Variants in HYCC1 observed in about 807,000 individuals in gnomAD.
HYCC1 encodes hyccin.
the HYCC1 span, among the ~76,000 whole-genome samples, chr7:22,984,952 C>T: frequency 6.6e-6 from 1 of 152,104 alleles, no homozygotes; most frequent in Non-Finnish European, 1.5e-5. Flanking sequence ...GATAAAACTC[C>T]AGTAGTAAGT....
chr7:22,965,063 G>T, the HYCC1 span, among the ~76,000 whole-genome samples: 1 of 151,418 alleles, frequency 6.6e-6, no homozygotes, highest in Non-Finnish European at 1.5e-5. Flanking sequence ...GAACCTGGGA[G>T]GTGGAGGTTG....
the HYCC1 span, among the ~76,000 whole-genome samples, chr7:22,900,895 T>TAAG: frequency 2.0e-5 from 3 of 151,970 alleles, no homozygotes. Context: ...CTTCTCTAAG[T>TAAG]AAGAAGACAC....
At chr7:22,932,775 G>A in the HYCC1 span, among the ~76,000 whole-genome samples, 6 of 152,166 alleles carry the variant, frequency 3.9e-5, no homozygotes, top group African/African-American at 9.7e-5. Flanking sequence ...TCACAGGGAC[G>A]ACTGTATGGG....
the HYCC1 span, among the ~76,000 whole-genome samples, chr7:22,931,285 CCACTACGAGTGGTGA>C: frequency 1.2e-4 from 18 of 150,394 alleles, no homozygotes; most frequent in Non-Finnish European, 2.1e-4. Flanking sequence ...CAGCCTGTCA[CCACTACGAGTGGTGA>C]CACTTCTACA....
At chr7:22,910,665 G>A in the HYCC1 span, among the ~76,000 whole-genome samples, 1 of 152,138 alleles carries the variant, frequency 6.6e-6, no homozygotes, top group African/African-American at 2.4e-5. Flanking sequence ...GCTAAAATAT[G>A]ATGTGTAAAA....
chr7:22,991,695 T>C, the HYCC1 span, among the ~76,000 whole-genome samples: 2 of 152,088 alleles, frequency 1.3e-5, no homozygotes, highest in South Asian at 4.1e-4. Context: ...GGGATTTACT[T>C]AAGTATAAAT....
At chr7:22,946,748 A>G in the HYCC1 span, among the ~76,000 whole-genome samples, 392 of 152,240 alleles carry the variant, frequency 2.6e-3, 3 homozygotes, top group African/African-American at 8.9e-3. Flanking sequence ...CATAAGCAGA[A>G]AATTATTTTA....
At chr7:22,909,958 A>G in the HYCC1 span, among the ~76,000 whole-genome samples, 1 of 152,254 alleles carries the variant, frequency 6.6e-6, no homozygotes, top group African/African-American at 2.4e-5. Flanking sequence ...CACACAGAGT[A>G]GGCCTTTAGT....
the HYCC1 span, among the ~76,000 whole-genome samples, chr7:22,918,497 C>T: frequency 3.9e-5 from 6 of 152,076 alleles, no homozygotes; most frequent in Non-Finnish European, 8.8e-5. Flanking sequence ...TTTTGCCACC[C>T]CAACACTTCA....
the HYCC1 span, chr7:22,961,122 G>A: frequency 5.6e-6 from 4 of 708,168 alleles, no homozygotes; most frequent in Admixed American, 4.1e-5. Context: ...ACAAGAGCAT[G>A]AATACACTGA....
At chr7:22,977,427 G>C in the HYCC1 span, 2 of 1,480,514 alleles carry the variant, frequency 1.4e-6, no homozygotes, top group African/African-American at 2.8e-5. Context: ...ATTTCCTATA[G>C]AAGTGAAAGA....
chr7:23,002,846 G>A, the HYCC1 span, among the ~76,000 whole-genome samples: 7 of 152,166 alleles, frequency 4.6e-5, no homozygotes, highest in African/African-American at 1.7e-4. Context: ...TAGGCTAGGA[G>A]TCTAAGATCA....
At chr7:22,933,975 A>C in the HYCC1 span, among the ~76,000 whole-genome samples, 2 of 152,192 alleles carry the variant, frequency 1.3e-5, no homozygotes, top group Non-Finnish European at 2.9e-5. Flanking sequence ...GCATTAATTC[A>C]ATCAATCATT....
chr7:22,920,928 A>G, the HYCC1 span, among the ~76,000 whole-genome samples: 1 of 152,086 alleles, frequency 6.6e-6, no homozygotes, highest in African/African-American at 2.4e-5. Flanking sequence ...GTTGCTTAAA[A>G]GCATATGCAC....
At chr7:22,958,357 A>G in the HYCC1 span, among the ~76,000 whole-genome samples, 1 of 152,136 alleles carries the variant, frequency 6.6e-6, no homozygotes. Flanking sequence ...AGAGTGATAA[A>G]CAAGGCTAAG....
chr7:23,007,553 C>T, the HYCC1 span, among the ~76,000 whole-genome samples: 2 of 152,050 alleles, frequency 1.3e-5, no homozygotes, highest in Non-Finnish European at 2.9e-5. Flanking sequence ...TTCAAATCTT[C>T]CAAGGAAGAG....
chr7:22,901,221 CAAAAA>C, the HYCC1 span, among the ~76,000 whole-genome samples: 2 of 21,508 alleles, frequency 9.3e-5, no homozygotes, highest in Admixed American at 1.6e-3. Context: ...GACCCTGTCT[CAAAAA>C]AAAAAAAAAA....
At chr7:22,915,840 T>C in the HYCC1 span, among the ~76,000 whole-genome samples, 2 of 152,150 alleles carry the variant, frequency 1.3e-5, no homozygotes, top group Non-Finnish European at 2.9e-5. Context: ...TCTTTTTAGT[T>C]ATCCCCACCT....
the HYCC1 span, among the ~76,000 whole-genome samples, chr7:22,904,554 A>G: frequency 6.6e-6 from 1 of 152,118 alleles, no homozygotes; most frequent in Non-Finnish European, 1.5e-5. Context: ...GAATAAAGGT[A>G]TAAGTCACAT....
Sources: gnomAD v4.1 joint callset for allele counts (sites outside exome capture counted in the v4.1 genomes callset) on GRCh38, gnomAD v4.1.1 for gene constraint, MANE v1.5 for transcripts, NCBI Gene and HGNC (gene_info 2026-07-23, HGNC 2026-07-21) for gene names.